Variants in FAM234B observed in about 807,000 individuals in gnomAD.
The protein encoded by FAM234B is protein FAM234B.
FAM234B carries 33 observed loss-of-function variants against 69.3 expected under a neutral mutation model. The observed-to-expected ratio is 0.48, with a 90% CI of 0.36 to 0.64. The LOEUF (loss-of-function observed/expected upper bound fraction) is 0.64, where lower values mean the gene tolerates loss of function less well. Ranked by LOEUF, FAM234B falls within the 30% of genes least tolerant of loss-of-function variation. The probability of loss-of-function intolerance (pLI) is 0.00; values close to 1 mark genes in which losing one functional copy is unlikely to be tolerated. For synonymous variants in FAM234B, 306 were observed against 306.9 expected (o/e 1.00, Z 0.03); for missense variants, 697 against 769.7 (o/e 0.91, Z 1.12).
intron 7 of FAM234B, among the ~76,000 whole-genome samples, chr12:13,068,102 T>C (rs1357446810): frequency 6.6e-6 from 1 of 152,212 alleles, no homozygotes; most frequent in Non-Finnish European, 1.5e-5. Flanking sequence ...TTGTATGGAA[T>C]TTTCTGGGGA....
At chr12:13,053,383 C>T (rs931831101) in intron 1 of FAM234B, among the ~76,000 whole-genome samples, 2 of 151,922 alleles carry the variant, frequency 1.3e-5, no homozygotes, top group Non-Finnish European at 2.9e-5. Context: ...GGAACCAGCC[C>T]CCAATATTTC....
At chr12:13,048,235 T>C (rs77827335) in intron 1 of FAM234B, among the ~76,000 whole-genome samples, 1,848 of 152,332 alleles carry the variant, frequency 0.012, 33 homozygotes, top group African/African-American at 0.042. Context: ...TGCTCCGCTA[T>C]CTTTTAATAG....
At chr12:13,076,259 A>C in intron 11 of FAM234B, 116 bp downstream of exon 11, 1 of 797,384 alleles carries the variant, frequency 1.3e-6, no homozygotes, top group Non-Finnish European at 2.1e-6. Context: ...CTCAGACGAC[A>C]GCAGGGCACT....
Position 13,067,986 on chromosome 12 carries a change from T to C in FAM234B, c.1143-318T>C, listed in dbSNP as rs150261138. On this transcript the variant is annotated intron_variant, in intron 7 of 12. Transcript: ENST00000197268. This position sits in a 1 kb window ranked among gnomAD's most constrained non-coding sequence, Gnocchi z 4.7. Reference sequence around the variant, plus strand: ...CAACCTCTGGCCTCCTGTCCAGATCTCTGTCTGCCTTCCCTGTGATTATCC... The same window carrying C: ...CAACCTCTGGCCTCCTGTCCAGATCCCTGTCTGCCTTCCCTGTGATTATCC... 1.3e-4 allele frequency among the ~76,000 whole-genome samples: 20 copies of C among 152,350 alleles called. No homozygotes were observed. The highest frequency in any genetic ancestry group is 4.6e-4 in the African/African-American group (19 of 41,586).
intron 3 of FAM234B, among the ~76,000 whole-genome samples, chr12:13,059,622 G>A (rs1301406714): frequency 1.3e-5 from 2 of 152,162 alleles, no homozygotes; most frequent in African/African-American, 4.8e-5. Flanking sequence ...CTGCTTTTAA[G>A]TCGTCTAGGC....
chr12:13,076,635 G>GAAGAAAAATCAAAGGAAGA (rs1865162850), intron 11 of FAM234B, among the ~76,000 whole-genome samples: 1 of 152,222 alleles, frequency 6.6e-6, no homozygotes, highest in Non-Finnish European at 1.5e-5. Flanking sequence ...ATTGGAGAAA[G>GAAGAAAAATCAAAGGAAGA]AAGAAAAATC....
rs1865216213 is a variant in FAM234B, at chr12:13,080,705, A to G, written c.*75A>G. The stretch of plus-strand genomic sequence containing the variant: ...TCTACTCTCCTGTCACTGTAAAATC[A>G]GTTCTATGGAGAGAAGACTTCTTCG... On this transcript the variant is annotated 3_prime_UTR_variant, in exon 13 of 13. Coordinates refer to ENST00000197268, the MANE Select transcript of FAM234B (RefSeq NM_020853.2). 8.0e-7 allele frequency: 1 copy of G among 1,253,448 alleles called. No individual in the cohort carries two copies. The highest frequency in any genetic ancestry group is 2.3e-5 in the East Asian group (1 of 42,658). The allele number at this position is 1,253,448 out of a possible 1,614,324, so 77.6% of individuals were successfully genotyped here. A position where few individuals can be genotyped will look rare whatever the true frequency, so the allele number is the denominator to read the frequency against.
At chr12:13,078,298 CT>C (rs1162734523) in intron 11 of FAM234B, among the ~76,000 whole-genome samples, 1 of 152,094 alleles carries the variant, frequency 6.6e-6, no homozygotes, top group Non-Finnish European at 1.5e-5. Context: ...TCAATTTTGT[CT>C]TTTGTTGCCA....
At chr12:13,051,515 G>A (rs1321036665) in intron 1 of FAM234B, among the ~76,000 whole-genome samples, 1 of 152,232 alleles carries the variant, frequency 6.6e-6, no homozygotes, top group African/African-American at 2.4e-5. Flanking sequence ...GAATCAGTAG[G>A]TGATGTGAAT....
intron 11 of FAM234B, among the ~76,000 whole-genome samples, chr12:13,077,448 A>C (rs1865174887): frequency 2.6e-5 from 3 of 115,060 alleles, no homozygotes; most frequent in Non-Finnish European, 5.1e-5. Flanking sequence ...CAGTCCCCAG[A>C]GTGTGATGTT....
chr12:13,067,072 C>T lies in FAM234B; in HGVS notation c.1001-83C>T. 2 of 1,514,370 alleles carry T rather than the reference C, an allele frequency of 1.3e-6. No individual in the cohort carries two copies. Among genetic ancestry groups the T allele is most frequent in the Non-Finnish European group, 1.8e-6 (2 of 1,098,690 alleles). The allele number at this position is 1,514,370 out of a possible 1,614,324, so 93.8% of individuals were successfully genotyped here. Reference sequence around the variant, plus strand: ...GCTCTGTTAGACCCATCTGGTCAGGCTCTGTGTCTCTTGCTCAGATCCTCA... The same window carrying T: ...GCTCTGTTAGACCCATCTGGTCAGGTTCTGTGTCTCTTGCTCAGATCCTCA... On this transcript the variant is annotated intron_variant, in intron 6 of 12. Coordinates refer to ENST00000197268, the MANE Select transcript of FAM234B (RefSeq NM_020853.2). The surrounding 1 kb of genome is among the most constrained non-coding windows in gnomAD (Gnocchi z 4.7).
chr12:13,046,060 G>T (rs1027773582), intron 1 of FAM234B, among the ~76,000 whole-genome samples: 2 of 152,162 alleles, frequency 1.3e-5, no homozygotes, highest in African/African-American at 4.8e-5. Flanking sequence ...TTGGCCCTGA[G>T]CCCTGAGGTA....
intron 10 of FAM234B, among the ~76,000 whole-genome samples, chr12:13,074,177 T>G (rs1035928798): frequency 6.6e-6 from 1 of 152,218 alleles, no homozygotes; most frequent in African/African-American, 2.4e-5. Context: ...CAAAAAAAAT[T>G]TTGAAGTCCT....
chr12:13,061,326 A>G (rs563894537), intron 3 of FAM234B, among the ~76,000 whole-genome samples: 10 of 152,176 alleles, frequency 6.6e-5, no homozygotes, highest in Non-Finnish European at 1.2e-4. Context: ...GGAAAGGTGC[A>G]GAAGTGGAGA....
At position 13,068,374 on chromosome 12, in the gene FAM234B, A is replaced by T; in HGVS notation, c.1213A>T (p.Arg405Ter). 1 of 1,614,224 alleles carries T rather than the reference A, an allele frequency of 6.2e-7. No homozygotes were observed. Among genetic ancestry groups the T allele is most frequent in the Non-Finnish European group, 8.5e-7 (1 of 1,180,036 alleles). ...SNCSNLLITT[R>*]QSLVLLRGQN... ...CTGCAGCAACCTTCTGATTACAACC[A>T]GACAAAGCCTTGTGCTGCTTCGGGG... The change falls in exon 8 of 13, where the codon AGA becomes TGA. Residue 405 changes from arginine (R) to a stop codon, truncating the protein, a stop_gained. Transcript: ENST00000197268. LOFTEE classifies it high-confidence loss of function.
Position 13,080,071 on chromosome 12 carries a change from CT to C in FAM234B, c.1863+65del. On this transcript the variant is annotated intron_variant, in intron 12 of 12. Coordinates refer to ENST00000197268, the MANE Select transcript of FAM234B (RefSeq NM_020853.2). ...TTAGGACAAATACTACCAATTCCAG[CT>C]TTGTCTTTAGAAAGTAGGCAGAATG... The C allele has an allele frequency of 2.4e-6, 3 of 1,276,016 alleles. No homozygotes were observed. The South Asian group carries it at 4.6e-5, about 20-fold the overall frequency. 79.0% of individuals were successfully genotyped at this position (1,276,016 alleles called of 1,614,324 possible). A position where few individuals can be genotyped will look rare whatever the true frequency, so the allele number is the denominator to read the frequency against.
intron 3 of FAM234B, among the ~76,000 whole-genome samples, chr12:13,059,818 G>A (rs527779820): frequency 2.6e-5 from 4 of 152,270 alleles, no homozygotes; most frequent in South Asian, 2.1e-4. Context: ...TTTCCTGCCC[G>A]TGACTTCTGA....
chr12:13,050,462 C>G (rs1255804321), intron 1 of FAM234B, among the ~76,000 whole-genome samples: 2 of 152,102 alleles, frequency 1.3e-5, no homozygotes, highest in Non-Finnish European at 2.9e-5. Context: ...CTCATTCGGT[C>G]CTACTTGGAT....
At position 13,055,822 on chromosome 12, in the gene FAM234B, C is replaced by T. The variant is rs1267362842; in HGVS notation, c.309C>T (p.Arg103=). ...CCTCCTCCCTGGTGTCATATGTGCGCACGTCTGTCTTCCTGCTGACTTTGG... is the reference window on the plus strand; with the variant it reads ...CCTCCTCCCTGGTGTCATATGTGCGTACGTCTGTCTTCCTGCTGACTTTGG... ...KAASSLVSYV[R]TSVFLLTLGI... is the part of the protein sequence containing the mutation. Residue 103 remains arginine (R), a synonymous_variant, in exon 2 of 13, where the codon CGC becomes CGT. Coordinates refer to ENST00000197268, the MANE Select transcript of FAM234B (RefSeq NM_020853.2). The T allele has an allele frequency of 1.9e-6, 3 of 1,614,160 alleles. No individual in the cohort carries two copies. Among genetic ancestry groups the T allele is most frequent in the Non-Finnish European group, 2.5e-6 (3 of 1,180,028 alleles).
Sources: allele counts gnomAD v4.1 joint callset (sites outside exome capture counted in the v4.1 genomes callset), GRCh38; gene constraint gnomAD v4.1.1; non-coding constraint Gnocchi (gnomAD v3.1); transcripts MANE v1.5; gene names NCBI Gene and HGNC (gene_info 2026-07-23, HGNC 2026-07-21).